Variants in KSR2 observed in about 807,000 individuals in gnomAD.
KSR2 encodes kinase suppressor of ras 2.
In KSR2, 25 loss-of-function variants were observed where a neutral mutation model predicts 107.8. That is an observed-to-expected ratio of 0.23 (90% CI 0.17 to 0.32). KSR2 has a LOEUF of 0.32. KSR2 is among the 10% of genes least tolerant of loss of function. The probability of loss-of-function intolerance (pLI) is 1.00; values close to 1 mark genes in which losing one functional copy is unlikely to be tolerated. For synonymous variants in KSR2, 480 were observed against 507.0 expected, an observed-to-expected ratio of 0.95 and a Z score of 0.71; for missense variants, 887 against 1,268.9, an observed-to-expected ratio of 0.70 and a Z score of 4.57.
intron 14 of KSR2, among the ~76,000 whole-genome samples, chr12:117,505,055 C>T (rs1053134702): frequency 6.6e-6 from 1 of 152,220 alleles, no homozygotes; most frequent in Non-Finnish European, 1.5e-5. Context: ...CCTCCAGCTT[C>T]ATCCAAGTTG....
chr12:117,948,708 C>A lies in KSR2; in HGVS notation c.180+19368G>T, dbSNP rs538220354. ...AAAAAATTGTACATTTAAATGCACA[C>A]ACACAAAAAATGAATTTCAATTTAA... On this transcript the variant is annotated intron_variant, in intron 1 of 19. Transcript: ENST00000339824. Among the ~76,000 whole-genome samples, 3 of 152,202 alleles carry A rather than the reference C, an allele frequency of 2.0e-5. No homozygotes were observed. The South Asian group carries it at 6.2e-4, about 32-fold the overall frequency.
chr12:117,578,601 CAAAAA>C (rs66919524), intron 7 of KSR2, among the ~76,000 whole-genome samples: 1 of 103,976 alleles, frequency 9.6e-6, no homozygotes, highest in Non-Finnish European at 2.2e-5. Context: ...GACTCCATCT[CAAAAA>C]AAAAAAAAAA....
intron 1 of KSR2, among the ~76,000 whole-genome samples, chr12:117,912,727 G>T (rs2137432892): frequency 6.6e-6 from 1 of 152,232 alleles, no homozygotes; most frequent in Non-Finnish European, 1.5e-5. Context: ...GCTCAACAAG[G>T]AGCTGGATTT....
chr12:117,962,046 G>GA (rs1896675284), intron 1 of KSR2, among the ~76,000 whole-genome samples: 1 of 150,768 alleles, frequency 6.6e-6, no homozygotes, highest in Non-Finnish European at 1.5e-5. Context: ...CCAGGAGGCT[G>GA]AGACAGGAGG....
intron 4 of KSR2, among the ~76,000 whole-genome samples, chr12:117,727,891 A>G (rs11068656): frequency 0.014 from 2,087 of 152,364 alleles, 49 homozygotes; most frequent in African/African-American, 0.048. Flanking sequence ...AAATAATACA[A>G]AAGAATGCAC....
chr12:117,531,887 TAAACATCC>T (rs1050542658), intron 10 of KSR2, among the ~76,000 whole-genome samples, 180 bp from the exon 11 acceptor site: 1 of 152,116 alleles, frequency 6.6e-6, no homozygotes, highest in Non-Finnish European at 1.5e-5. Flanking sequence ...ACCAGAACTC[TAAACATCC>T]ATGCCGACCC....
At chr12:117,935,628 G>A (rs893068400) in intron 1 of KSR2, among the ~76,000 whole-genome samples, 1 of 152,190 alleles carries the variant, frequency 6.6e-6, no homozygotes, top group Non-Finnish European at 1.5e-5. Flanking sequence ...GGTCGTAGTA[G>A]TGGGCGCCTG....
Position 117,968,964 on chromosome 12 carries a change from T to C in KSR2, c.-709A>G, listed in dbSNP as rs1302313766. On this transcript the variant is annotated 5_prime_UTR_variant, in exon 1 of 20. Coordinates refer to ENST00000339824, the MANE Select transcript of KSR2 (RefSeq NM_173598.6). ...GTTGCTGCAATCGCTCCTGCCTCGCTCCACACCGACATCTTGCCTGTCAAT... is the reference window on the plus strand; with the variant it reads ...GTTGCTGCAATCGCTCCTGCCTCGCCCCACACCGACATCTTGCCTGTCAAT... 2 of 177,422 alleles carry C rather than the reference T, an allele frequency of 1.1e-5. No homozygotes were observed. The highest frequency in any genetic ancestry group is 8.9e-5 in the South Asian group (1 of 11,184). The allele number at this position is 177,422 out of a possible 1,614,324, so 11.0% of individuals were successfully genotyped here.
intron 4 of KSR2, among the ~76,000 whole-genome samples, chr12:117,676,277 C>T (rs1381837709): frequency 6.6e-6 from 1 of 151,402 alleles, no homozygotes; most frequent in Non-Finnish European, 1.5e-5. Context: ...AGCGTCCTGG[C>T]AAAAAAAAGG....
chr12:117,565,708 A>T (rs1183979734), intron 7 of KSR2, among the ~76,000 whole-genome samples: 17 of 152,190 alleles, frequency 1.1e-4, no homozygotes, highest in Non-Finnish European at 2.5e-4. Flanking sequence ...GAGATAACTT[A>T]TCTGTTTGTT....
At chr12:117,555,112 C>T in intron 9 of KSR2, 57 bp downstream of exon 9, 1 of 1,609,854 alleles carries the variant, frequency 6.2e-7, no homozygotes, top group East Asian at 2.2e-5. Flanking sequence ...TCCCTCCTAC[C>T]CCTCACCCAG....
rs187805890 is a variant in KSR2 at position 117,601,888 on chromosome 12, G to C, written c.1172-19529C>G. ...CACCTGACTTCCATCATCTGGCTGG[G>C]AAGGATCTAGAGCTAGGCCCAGCAA... is the stretch of plus-strand genomic sequence containing the variant. On this transcript the variant is annotated intron_variant, in intron 5 of 19. Transcript: ENST00000339824. 2.0e-5 allele frequency among the ~76,000 whole-genome samples: 3 copies of C among 152,304 alleles called. No homozygotes were observed. The East Asian group carries it at 5.8e-4, about 29-fold the overall frequency.
intron 5 of KSR2, among the ~76,000 whole-genome samples, chr12:117,611,057 T>G (rs998676315): frequency 6.6e-6 from 1 of 152,192 alleles, no homozygotes; most frequent in East Asian, 1.9e-4. Flanking sequence ...TAAGATTATA[T>G]CACCTAAGTC....
chr12:117,912,302 C>A (rs1895039895), intron 1 of KSR2, among the ~76,000 whole-genome samples: 1 of 152,210 alleles, frequency 6.6e-6, no homozygotes. Context: ...ATCTCTGACC[C>A]TGCTTAATGC....
At chr12:117,927,809 G>T (rs867488705) in intron 1 of KSR2, among the ~76,000 whole-genome samples, 2 of 152,088 alleles carry the variant, frequency 1.3e-5, no homozygotes, top group African/African-American at 4.8e-5. Flanking sequence ...AAGTCATTCT[G>T]CCCTCCTTGC....
intron 1 of KSR2, among the ~76,000 whole-genome samples, chr12:117,962,186 A>C (rs1036256056): frequency 1.3e-5 from 2 of 150,116 alleles, no homozygotes; most frequent in African/African-American, 4.9e-5. Context: ...TACCCTTGCT[A>C]TACAAGGAGA....
intron 5 of KSR2, among the ~76,000 whole-genome samples, chr12:117,615,812 G>A (rs1265841043): frequency 6.6e-6 from 1 of 152,124 alleles, no homozygotes; most frequent in Non-Finnish European, 1.5e-5. Flanking sequence ...AGATGCTGTG[G>A]GATAATAAAT....
intron 9 of KSR2, among the ~76,000 whole-genome samples, chr12:117,548,565 G>C (rs553040480): frequency 4.3e-4 from 66 of 152,040 alleles, no homozygotes; most frequent in African/African-American, 1.5e-3. Flanking sequence ...GATCAACAGT[G>C]GGCTATTAGT....
At chr12:117,833,846 G>T (rs1892079073) in intron 3 of KSR2, among the ~76,000 whole-genome samples, 1 of 152,052 alleles carries the variant, frequency 6.6e-6, no homozygotes, top group Non-Finnish European at 1.5e-5. Context: ...AAAAATCACA[G>T]TATCTTGTCT....
Sources: gnomAD v4.1 joint callset for allele counts (sites outside exome capture counted in the v4.1 genomes callset) on GRCh38, gnomAD v4.1.1 for gene constraint, MANE v1.5 for transcripts, NCBI Gene and HGNC (gene_info 2026-07-23, HGNC 2026-07-21) for gene names.